Variants in ANXA13 observed in about 807,000 individuals in gnomAD.
ANXA13 encodes the protein annexin A13, also known as annexin XIII.
In ANXA13, 36 loss-of-function variants were observed where a neutral mutation model predicts 46.6. The observed-to-expected ratio is 0.77, with a 90% CI of 0.59 to 1.02. ANXA13 has a LOEUF of 1.02. Among genes scored for constraint, ANXA13 ranks in the 50% least tolerant of loss-of-function variants. The pLI, the probability that ANXA13 is intolerant of heterozygous loss-of-function variation, is 0.00. For missense variants in ANXA13, 417 were observed against 396.5 expected (o/e 1.05, Z -0.44); for synonymous variants, 163 against 152.9 (o/e 1.07, Z -0.49).
At chr8:123,735,726 A>T (rs1180411654) in intron 1 of ANXA13, 1 of 1,599,188 alleles carries the variant, frequency 6.3e-7, no homozygotes, top group Non-Finnish European at 8.5e-7. Context: ...GGTCATACCT[A>T]TGATTTGGGG....
chr8:123,732,132 TA>T lies in ANXA13; in HGVS notation c.15+5187del, dbSNP rs372730354. Among the ~76,000 whole-genome samples the T allele has an allele frequency of 5.4e-3, 828 of 152,282 alleles. 7 individuals are homozygous for T. Among genetic ancestry groups the T allele is most frequent in the Non-Finnish European group, 8.4e-3 (570 of 68,018 alleles). On this transcript the variant is annotated intron_variant, in intron 1 of 10. Transcript: ENST00000419625. ...CTTTATTGAACCCAAGGCATAGTGT[TA>T]AAAATTTGTGCCTAAATCCAAATCT...
chr8:123,736,420 T>C (rs1178724510), intron 1 of ANXA13, among the ~76,000 whole-genome samples: 3 of 152,224 alleles, frequency 2.0e-5, no homozygotes, highest in Admixed American at 6.5e-5. Context: ...CAAAAGGTAG[T>C]GTTTTAGTCA....
chr8:123,733,527 C>G (rs1188434844), intron 1 of ANXA13, among the ~76,000 whole-genome samples: 4 of 152,216 alleles, frequency 2.6e-5, no homozygotes, highest in African/African-American at 9.7e-5. Flanking sequence ...CTGTTCTCCA[C>G]TGGAGACAAT....
At chr8:123,703,365 G>A (rs1294987944) in intron 2 of ANXA13, among the ~76,000 whole-genome samples, 1 of 152,154 alleles carries the variant, frequency 6.6e-6, no homozygotes, top group Non-Finnish European at 1.5e-5. Context: ...CTAGGGGGAT[G>A]GTAGCTGGAG....
intron 8 of ANXA13, among the ~76,000 whole-genome samples, chr8:123,692,338 T>C (rs923922235): frequency 1.5e-4 from 23 of 152,186 alleles, no homozygotes; most frequent in African/African-American, 5.1e-4. Context: ...AGTTACCCTG[T>C]TGTTGTGAAA....
intron 2 of ANXA13, among the ~76,000 whole-genome samples, chr8:123,711,319 C>T (rs1035076456): frequency 6.6e-6 from 1 of 152,236 alleles, no homozygotes; most frequent in Non-Finnish European, 1.5e-5. Context: ...CCTTCCCTCC[C>T]TGTCCTGTTC....
At position 123,698,413 on chromosome 8, in the gene ANXA13, C is replaced by T. The variant is rs755131908; in HGVS notation, c.333G>A (p.Glu111=). The T allele has an allele frequency of 4.3e-6, 7 of 1,614,030 alleles. No homozygotes were observed. Among genetic ancestry groups the T allele is most frequent in the Non-Finnish European group, 5.9e-6 (7 of 1,180,016 alleles). Residue 111 remains glutamate, a synonymous_variant, in exon 4 of 11, where the codon GAG becomes GAA. Transcript: ENST00000419625. Reference sequence around the variant, plus strand: ...CCTTATTGGTCCTCGTGCACAGGACCTCAATGAGGACGGACTCATCTGTGC... The same window carrying T: ...CCTTATTGGTCCTCGTGCACAGGACTTCAATGAGGACGGACTCATCTGTGC... ...GLGTDESVLI[E]VLCTRTNKEI... is the part of the protein sequence containing the mutation.
rs569716553 is a variant in ANXA13, at chr8:123,702,599, G to A, written c.186+43C>T. On this transcript the variant is annotated intron_variant, in intron 3 of 10. Transcript: ENST00000419625. ...GACATGAGGAAGCCGAGACGGCTGA[G>A]GCCATGGCTGGGTGCAAGCTTGCTG... 2.0e-5 allele frequency: 30 copies of A among 1,517,170 alleles called. No individual in the cohort carries two copies. The South Asian group carries it at 2.9e-4, about 15-fold the overall frequency. The allele number at this position is 1,517,170 out of a possible 1,614,324, so 94.0% of individuals were successfully genotyped here. A position where few individuals can be genotyped will look rare whatever the true frequency, so the allele number is the denominator to read the frequency against.
intron 1 of ANXA13, among the ~76,000 whole-genome samples, chr8:123,724,933 G>A (rs1468475260): frequency 6.6e-6 from 1 of 152,182 alleles, no homozygotes; most frequent in Non-Finnish European, 1.5e-5. Context: ...CAATGGCAGA[G>A]TAGTTACCTA....
intron 2 of ANXA13, among the ~76,000 whole-genome samples, chr8:123,707,315 G>A (rs1813557232): frequency 6.6e-6 from 1 of 152,140 alleles, no homozygotes; most frequent in African/African-American, 2.4e-5. Context: ...AGGACCAATA[G>A]AAATCCTCCA....
At chr8:123,693,900 G>C in intron 6 of ANXA13, 121 bp from the exon 7 acceptor site, 1 of 884,352 alleles carries the variant, frequency 1.1e-6, no homozygotes, top group Middle Eastern at 2.2e-4. Flanking sequence ...GCTCAGTTCA[G>C]CCTGGCAAGG....
chr8:123,723,765 A>G (rs1586337931), intron 1 of ANXA13, among the ~76,000 whole-genome samples: 1 of 152,148 alleles, frequency 6.6e-6, no homozygotes, highest in East Asian at 1.9e-4. Flanking sequence ...CAGATACATT[A>G]TCATACTTTT....
intron 2 of ANXA13, among the ~76,000 whole-genome samples, chr8:123,705,852 C>CA (rs1037770878): frequency 3.9e-5 from 6 of 152,116 alleles, no homozygotes; most frequent in Admixed American, 1.3e-4. Context: ...GGAGCCCTGG[C>CA]AAAAAAATGT....
intron 3 of ANXA13, among the ~76,000 whole-genome samples, chr8:123,699,486 C>A (rs535101267): frequency 1.0e-3 from 159 of 152,200 alleles, no homozygotes; most frequent in Non-Finnish European, 1.9e-3. Flanking sequence ...CCCCAGCCTG[C>A]CATCTATTCT....
At chr8:123,703,265 A>G (rs1397678453) in intron 2 of ANXA13, among the ~76,000 whole-genome samples, 2 of 151,142 alleles carry the variant, frequency 1.3e-5, no homozygotes, top group African/African-American at 4.9e-5. Flanking sequence ...AGCAGATCAC[A>G]TGTTATATAA....
intron 9 of ANXA13, 33 bp from the exon 10 acceptor site, chr8:123,684,755 C>T: frequency 1.3e-6 from 2 of 1,525,914 alleles, no homozygotes; most frequent in Non-Finnish European, 1.8e-6. Context: ...GAATGTGAGG[C>T]TTTCACGTTT....
chr8:123,718,175 C>G (rs1282073766), intron 1 of ANXA13, among the ~76,000 whole-genome samples: 1 of 152,268 alleles, frequency 6.6e-6, no homozygotes, highest in African/African-American at 2.4e-5. Context: ...TGCCAAGCAT[C>G]TAAAACAAGC....
chr8:123,695,529 T>A lies in ANXA13; in HGVS notation c.444A>T (p.Leu148=). The change falls in exon 6 of 11, where the codon CTA becomes CTT. Residue 148 remains leucine (L), a synonymous_variant. Coordinates refer to ENST00000419625, the MANE Select transcript of ANXA13 (RefSeq NM_004306.4). Reference sequence around the variant, plus strand: ...GCAGCAGAGACACCAGGATTTTTTTTAGGTTTCCACTTGTATCACCTTTGA... The same window carrying A: ...GCAGCAGAGACACCAGGATTTTTTTAAGGTTTCCACTTGTATCACCTTTGA... The part of the protein sequence containing the change: ...SDVKGDTSGN[L]KKILVSLLQA... 1 of 1,614,168 alleles carries A rather than the reference T, an allele frequency of 6.2e-7. No individual in the cohort carries two copies. Among genetic ancestry groups the A allele is most frequent in the Non-Finnish European group, 8.5e-7 (1 of 1,180,006 alleles).
rs534731116 is a variant in ANXA13 at position 123,684,988 on chromosome 8, G to A, written c.719-266C>T. Among the ~76,000 whole-genome samples the A allele has an allele frequency of 2.6e-4, 39 of 152,314 alleles. No individual in the cohort carries two copies. The South Asian group carries it at 2.9e-3, about 11-fold the overall frequency. On this transcript the variant is annotated intron_variant, in intron 9 of 10. Transcript: ENST00000419625. ...GGCATCCTCGGGCCCTCCCGGCCAC[G>A]TCCATGATTCTCGTTATTTCCCAGC...
Sources: gnomAD v4.1 joint callset for allele counts (sites outside exome capture counted in the v4.1 genomes callset) on GRCh38, gnomAD v4.1.1 for gene constraint, MANE v1.5 for transcripts, NCBI Gene and HGNC (gene_info 2026-07-23, HGNC 2026-07-21) for gene names.